PDE4D: variants seen among roughly 807,000 people sequenced by gnomAD.
PDE4D encodes the protein 3',5'-cyclic-AMP phosphodiesterase 4D.
In PDE4D, 24 loss-of-function variants were observed where a neutral mutation model predicts 87.4. That is an observed-to-expected ratio of 0.27 (90% CI 0.20 to 0.39). PDE4D has a LOEUF of 0.39. Ranked by LOEUF, PDE4D falls within the 10% of genes least tolerant of loss-of-function variation. The pLI, the probability that PDE4D is intolerant of heterozygous loss-of-function variation, is 1.00. For synonymous variants in PDE4D, 384 were observed against 383.2 expected (o/e 1.00, Z -0.02); for missense variants, 714 against 1,041.0 (o/e 0.69, Z 4.32).
chr5:60,323,590 T>A (rs754613509), intron 1 of PDE4D, among the ~76,000 whole-genome samples: 1 of 152,172 alleles, frequency 6.6e-6, no homozygotes, highest in African/African-American at 2.4e-5. Context: ...CCAATACTTA[T>A]GTGCCAAGCT....
At chr5:60,147,654 G>A in intron 2 of PDE4D, 4 of 386,034 alleles carry the variant, frequency 1.0e-5, no homozygotes, top group South Asian at 7.6e-5. Flanking sequence ...GAGAGCTTAG[G>A]GTCTCTCAAG....
intron 1 of PDE4D, among the ~76,000 whole-genome samples, chr5:59,756,921 C>G (rs1414176373): frequency 1.3e-5 from 2 of 151,738 alleles, no homozygotes; most frequent in African/African-American, 4.8e-5. Context: ...CCTCAGCCTC[C>G]CGAGTAGCTC....
chr5:59,245,537 A>T lies in PDE4D; in HGVS notation c.456-29569T>A, dbSNP rs201664371. ...CAAAAATGTTTCTAGGAGAAAAATAAATTTGGCAATAAACTCTCTGAGTTT... is the reference window on the plus strand; with the variant it reads ...CAAAAATGTTTCTAGGAGAAAAATATATTTGGCAATAAACTCTCTGAGTTT... On this transcript the variant is annotated intron_variant, in intron 1 of 14. Coordinates refer to ENST00000340635, the MANE Select transcript of PDE4D (RefSeq NM_001104631.2). Among the ~76,000 whole-genome samples the T allele has an allele frequency of 7.2e-5, 11 of 152,266 alleles. No homozygotes were observed. The East Asian group carries it at 2.1e-3, about 29-fold the overall frequency.
At chr5:60,365,704 TAACCAAATCAA>T (rs1317995141) in intron 1 of PDE4D, among the ~76,000 whole-genome samples, 1 of 152,114 alleles carries the variant, frequency 6.6e-6, no homozygotes, top group Non-Finnish European at 1.5e-5. Context: ...TTCCTCAGAT[TAACCAAATCAA>T]ACAACAGACT....
intron 2 of PDE4D, among the ~76,000 whole-genome samples, chr5:60,112,142 C>A (rs957230141): frequency 3.3e-5 from 5 of 152,034 alleles, no homozygotes; most frequent in African/African-American, 1.2e-4. Context: ...AATCCAGCTG[C>A]CTCAGGAAAC....
At chr5:59,232,995 A>G (rs1044913885) in intron 1 of PDE4D, among the ~76,000 whole-genome samples, 7 of 152,128 alleles carry the variant, frequency 4.6e-5, no homozygotes, top group African/African-American at 1.7e-4. Flanking sequence ...AAAAGTTGAT[A>G]TCATGAAGGT....
chr5:59,126,796 T>G (rs768553046), intron 5 of PDE4D, among the ~76,000 whole-genome samples: 1 of 152,200 alleles, frequency 6.6e-6, no homozygotes, highest in Non-Finnish European at 1.5e-5. Context: ...CAGCAAAAGA[T>G]TTTTATGGAC....
At chr5:59,013,523 A>C (rs796181021) in intron 6 of PDE4D, among the ~76,000 whole-genome samples, 3 of 151,782 alleles carry the variant, frequency 2.0e-5, no homozygotes, top group African/African-American at 7.2e-5. Flanking sequence ...ACACCTCTAC[A>C]CAAATAAACT....
chr5:59,059,179 G>T (rs1295999655), intron 5 of PDE4D, among the ~76,000 whole-genome samples: 1 of 152,060 alleles, frequency 6.6e-6, no homozygotes, highest in Non-Finnish European at 1.5e-5. Context: ...ATACTTTTAG[G>T]AACATTTGGC....
chr5:59,101,968 T>G (rs1324584010), intron 5 of PDE4D, among the ~76,000 whole-genome samples: 1 of 152,136 alleles, frequency 6.6e-6, no homozygotes, highest in Non-Finnish European at 1.5e-5. Context: ...TTCCTTCAAC[T>G]GTGCCCATCG....
intron 1 of PDE4D, among the ~76,000 whole-genome samples, chr5:59,570,048 C>T (rs1004202945): frequency 6.6e-6 from 1 of 152,190 alleles, no homozygotes; most frequent in Non-Finnish European, 1.5e-5. Context: ...GAGGTTAGCA[C>T]ATTATTATGT....
chr5:59,424,593 G>T (rs1376594859), intron 1 of PDE4D, among the ~76,000 whole-genome samples: 1 of 152,132 alleles, frequency 6.6e-6, no homozygotes, highest in Non-Finnish European at 1.5e-5. Flanking sequence ...GCCAACAGGG[G>T]AAATGCCAGA....
intron 1 of PDE4D, among the ~76,000 whole-genome samples, chr5:59,369,557 C>G (rs148685508): frequency 1.3e-5 from 2 of 152,176 alleles, no homozygotes; most frequent in African/African-American, 2.4e-5. Flanking sequence ...TAAGCAGGGG[C>G]AGATGGGGCC....
At chr5:59,059,377 CTAT>C (rs1313242574) in intron 5 of PDE4D, among the ~76,000 whole-genome samples, 1 of 152,104 alleles carries the variant, frequency 6.6e-6, no homozygotes, top group Non-Finnish European at 1.5e-5. Context: ...TCAAATCTCC[CTAT>C]TTGTAGCTAT....
chr5:59,652,370 A>T (rs1743648250), intron 1 of PDE4D, among the ~76,000 whole-genome samples: 1 of 152,180 alleles, frequency 6.6e-6, no homozygotes, highest in South Asian at 2.1e-4. Flanking sequence ...CTTCTCCATA[A>T]TTCCCCTTAT....
intron 2 of PDE4D, among the ~76,000 whole-genome samples, chr5:60,157,243 A>C (rs2149453626): frequency 6.6e-6 from 1 of 152,298 alleles, no homozygotes; most frequent in African/African-American, 2.4e-5. Flanking sequence ...TTAGCAAAGC[A>C]GAATATTTTA....
intron 1 of PDE4D, among the ~76,000 whole-genome samples, chr5:59,324,695 T>C (rs565222767): frequency 2.1e-4 from 32 of 152,084 alleles, no homozygotes; most frequent in Non-Finnish European, 4.6e-4. Context: ...AAGAGAAAGA[T>C]GAAAAAGACT....
Position 59,830,532 on chromosome 5 carries a change from A to T in PDE4D, c.455+62636T>A, listed in dbSNP as rs1271331809. Among the ~76,000 whole-genome samples, 5 of 152,114 alleles carry T rather than the reference A, an allele frequency of 3.3e-5. No homozygotes were observed. The East Asian group carries it at 7.7e-4, about 23-fold the overall frequency. On this transcript the variant is annotated intron_variant, in intron 1 of 14. Coordinates refer to ENST00000340635, the MANE Select transcript of PDE4D (RefSeq NM_001104631.2). ...TCGGAGACATTAAGGGAAGATTAAC[A>T]GGTAAAGATTACTTTCAATCAGATA...
chr5:59,637,975 C>T (rs923149284), intron 1 of PDE4D, among the ~76,000 whole-genome samples: 7 of 152,078 alleles, frequency 4.6e-5, no homozygotes, highest in Non-Finnish European at 8.8e-5. Context: ...AGTATTATTT[C>T]GTTATATTTT....
Sources: allele counts gnomAD v4.1 joint callset (sites outside exome capture counted in the v4.1 genomes callset), GRCh38; gene constraint gnomAD v4.1.1; transcripts MANE v1.5; gene names NCBI Gene and HGNC (gene_info 2026-07-23, HGNC 2026-07-21).